FMO4: variants seen among roughly 807,000 people sequenced by gnomAD.
FMO4 encodes the protein dimethylaniline monooxygenase [N-oxide-forming] 4.
In FMO4, 38 loss-of-function variants were observed where a neutral mutation model predicts 43.3. That is an observed-to-expected ratio of 0.88 (90% CI 0.68 to 1.15). The LOEUF is 1.15. Among genes scored for constraint, FMO4 ranks in the 50% most tolerant of loss-of-function variants. The pLI is 0.00. For synonymous variants in FMO4, 224 were observed against 232.2 expected (o/e 0.96, Z 0.32); for missense variants, 631 against 663.3 (o/e 0.95, Z 0.54).
At chr1:171,323,332 C>A in intron 4 of FMO4, 140 bp downstream of exon 4, 1 of 621,336 alleles carries the variant, frequency 1.6e-6, no homozygotes. Flanking sequence ...CTCCTCACTT[C>A]CGCTGCTGCT....
At chr1:171,337,048 A>G (rs984416788) in intron 8 of FMO4, among the ~76,000 whole-genome samples, 22 of 152,184 alleles carry the variant, frequency 1.4e-4, no homozygotes, top group African/African-American at 4.6e-4. Context: ...CAGCAAAAGC[A>G]GATGAAGAGA....
intron 2 of FMO4, among the ~76,000 whole-genome samples, chr1:171,318,610 G>A (rs1281733355): frequency 1.3e-5 from 2 of 149,776 alleles, no homozygotes; most frequent in East Asian, 2.0e-4. Context: ...ATACTCTAGT[G>A]AGCATTTCTT....
chr1:171,316,121 C>T (rs538776832), intron 1 of FMO4, 65 bp from the exon 2 acceptor site: 4 of 152,102 alleles, frequency 2.6e-5, no homozygotes, highest in South Asian at 2.1e-4. Context: ...AGTCTATTCA[C>T]GTCAGTATAT....
chr1:171,321,550 C>T (rs765359519), intron 3 of FMO4, among the ~76,000 whole-genome samples: 4 of 152,062 alleles, frequency 2.6e-5, no homozygotes, highest in Admixed American at 1.3e-4. Context: ...GGAATAATCA[C>T]GAGGAAAGAA....
chr1:171,316,306 C>T lies in FMO4; in HGVS notation c.-30C>T, dbSNP rs988562242. 1.3e-5 allele frequency: 2 copies of T among 152,132 alleles called. No individual in the cohort carries two copies. The highest frequency in any genetic ancestry group is 4.8e-5 in the African/African-American group (2 of 41,422). 9.4% of individuals were successfully genotyped at this position (152,132 alleles called of 1,614,324 possible). A position where few individuals can be genotyped will look rare whatever the true frequency, so the allele number is the denominator to read the frequency against. ...TAGAAGCTGTCTAAACCTCCTACTC[C>T]TCAACTCAAAGGAAAACACAGGTAT... On this transcript the variant is annotated 5_prime_UTR_variant, in exon 2 of 10. Transcript: ENST00000367749.
intron 6 of FMO4, 110 bp downstream of exon 6, chr1:171,331,892 C>T: frequency 1.1e-6 from 1 of 890,382 alleles, no homozygotes; most frequent in Non-Finnish European, 1.7e-6. Context: ...TATGCAGACA[C>T]ACAGTAAGTG....
At position 171,329,639 on chromosome 1, in the gene FMO4, G is replaced by A. The variant is rs114198029; in HGVS notation, c.485-2001G>A. Among the ~76,000 whole-genome samples, 1,174 of 152,278 alleles carry A rather than the reference G, an allele frequency of 7.7e-3. 17 individuals are homozygous for A. Among genetic ancestry groups the A allele is most frequent in the African/African-American group, 0.027 (1,109 of 41,556 alleles). On this transcript the variant is annotated intron_variant, in intron 5 of 9. Transcript: ENST00000367749. ...TGTAGACCCCAAACATGAAGGTCTC[G>A]CTCAGAGTGGTCTCCTTGAAGCCCC...
At chr1:171,330,165 T>G (rs759011125) in intron 5 of FMO4, among the ~76,000 whole-genome samples, 1 of 152,210 alleles carries the variant, frequency 6.6e-6, no homozygotes, top group African/African-American at 2.4e-5. Context: ...AATTTAATCT[T>G]TGTATATTGA....
chr1:171,320,052 G>A, intron 3 of FMO4, 95 bp downstream of exon 3: 1 of 1,380,386 alleles, frequency 7.2e-7, no homozygotes, highest in Non-Finnish European at 1.0e-6. Context: ...TCAAGTAAGG[G>A]AGTGGCTTAC....
chr1:171,322,878 A>G (rs2076322), intron 3 of FMO4, 126 bp from the exon 4 acceptor site: 95,182 of 668,940 alleles, frequency 0.14, 7,851 homozygotes, highest in African/African-American at 0.24. Context: ...AAAAGTAAAT[A>G]AAATTACAAA....
rs528405875 is a variant in FMO4, at chr1:171,320,101, A to G, written c.132+144A>G. ...ACAAGTGCATAATGCAGTGTTAAACATTAGGCAGGATGCAGTCTGATTGGT... is the reference window on the plus strand; with the variant it reads ...ACAAGTGCATAATGCAGTGTTAAACGTTAGGCAGGATGCAGTCTGATTGGT... On this transcript the variant is annotated intron_variant, in intron 3 of 9. Transcript: ENST00000367749. 18 of 849,182 alleles carry G rather than the reference A, an allele frequency of 2.1e-5. No individual in the cohort carries two copies. The East Asian group carries it at 4.4e-4, about 21-fold the overall frequency. 52.6% of individuals were successfully genotyped at this position (849,182 alleles called of 1,614,324 possible).
intron 3 of FMO4, among the ~76,000 whole-genome samples, chr1:171,320,751 G>A (rs1298743397): frequency 6.6e-6 from 1 of 152,066 alleles, no homozygotes; most frequent in Non-Finnish European, 1.5e-5. Context: ...TGAGGTGGGA[G>A]GATCACTTGA....
At chr1:171,322,464 G>A (rs1369035473) in intron 3 of FMO4, among the ~76,000 whole-genome samples, 2 of 152,156 alleles carry the variant, frequency 1.3e-5, no homozygotes, top group African/African-American at 2.4e-5. Context: ...TTTGTGGTTT[G>A]AAAAATATAT....
At chr1:171,336,293 A>ATCT (rs758581421) in intron 8 of FMO4, among the ~76,000 whole-genome samples, 1 of 152,104 alleles carries the variant, frequency 6.6e-6, no homozygotes, top group Non-Finnish European at 1.5e-5. Context: ...CAGAGTTTAC[A>ATCT]TTATAAGAGG....
chr1:171,328,503 A>G (rs758018055), intron 5 of FMO4, among the ~76,000 whole-genome samples: 17 of 152,068 alleles, frequency 1.1e-4, no homozygotes, highest in Non-Finnish European at 2.5e-4. Context: ...TACAAAAATT[A>G]TCCGGGCATG....
intron 5 of FMO4, among the ~76,000 whole-genome samples, chr1:171,329,904 A>C (rs953969966): frequency 6.6e-6 from 1 of 152,194 alleles, no homozygotes; most frequent in Non-Finnish European, 1.5e-5. Context: ...CTCAGTAGGC[A>C]AAGAATCCTG....
At chr1:171,318,630 A>C (rs1399809026) in intron 2 of FMO4, among the ~76,000 whole-genome samples, 1 of 152,152 alleles carries the variant, frequency 6.6e-6, no homozygotes, top group Non-Finnish European at 1.5e-5. Flanking sequence ...TTTGAATTTC[A>C]TGTCAGTATT....
intron 9 of FMO4, among the ~76,000 whole-genome samples, chr1:171,337,692 G>A (rs1663175702): frequency 6.6e-6 from 1 of 152,122 alleles, no homozygotes; most frequent in African/African-American, 2.4e-5. Flanking sequence ...CTTAGTCCAG[G>A]AAATCTATTC....
intron 6 of FMO4, among the ~76,000 whole-genome samples, chr1:171,332,119 C>T (rs951079791): frequency 4.6e-5 from 7 of 151,864 alleles, no homozygotes; most frequent in African/African-American, 9.7e-5. Context: ...TTTTTTACAC[C>T]CTCCCTTTGT....
Sources: allele counts gnomAD v4.1 joint callset (sites outside exome capture counted in the v4.1 genomes callset), GRCh38; gene constraint gnomAD v4.1.1; transcripts MANE v1.5; gene names NCBI Gene and HGNC (gene_info 2026-07-23, HGNC 2026-07-21).